PLCH2: variants seen among roughly 807,000 people sequenced by gnomAD.
The protein encoded by PLCH2 is 1-phosphatidylinositol 4,5-bisphosphate phosphodiesterase eta-2.
Under a neutral mutation model 134.7 loss-of-function variants are expected in PLCH2, and 98 were observed. The ratio of observed to expected loss-of-function variants is 0.73; its 90% CI spans 0.62 to 0.86. The LOEUF (loss-of-function observed/expected upper bound fraction) is 0.86, where lower values mean the gene tolerates loss of function less well. Ranked by LOEUF, PLCH2 falls within the 40% of genes least tolerant of loss-of-function variation. The pLI is 0.00. For synonymous variants in PLCH2, 974 were observed against 827.5 expected (o/e 1.18, Z -3.04); for missense variants, 1,994 against 1,986.6 (o/e 1.00, Z -0.07).
intron 2 of PLCH2, among the ~76,000 whole-genome samples, chr1:2,461,092 C>T (rs1640782692): frequency 6.6e-6 from 1 of 152,204 alleles, no homozygotes; most frequent in Non-Finnish European, 1.5e-5. Flanking sequence ...GGGTGTGTGT[C>T]CTGGGACGTG....
At position 2,503,977 on chromosome 1, in the gene PLCH2, C is replaced by A; in HGVS notation, c.3015C>A (p.Thr1005=). 1 of 1,515,254 alleles carries A rather than the reference C, an allele frequency of 6.6e-7. No individual in the cohort carries two copies. Among genetic ancestry groups the A allele is most frequent in the Non-Finnish European group, 8.9e-7 (1 of 1,117,330 alleles). The allele number at this position is 1,515,254 out of a possible 1,614,324, so 93.9% of individuals were successfully genotyped here. A position where few individuals can be genotyped will look rare whatever the true frequency, so the allele number is the denominator to read the frequency against. ...TCCCCCCACTGTGCAGCCTGGAAAC[C>A]ATCGCTGAGGAGCCCGCCCCAGGCC... ...RPLPPLCSLE[T]IAEEPAPGPG... is the part of the protein sequence containing the mutation. Residue 1005 remains threonine, a synonymous_variant, in exon 22 of 22, where the codon ACC becomes ACA. Transcript: ENST00000378486.
At position 2,491,202 on chromosome 1, in the gene PLCH2, A is replaced by G. The variant is rs1391981133; in HGVS notation, c.1526A>G (p.Asn509Ser). ...CTCTGGCTCCTGCAGGCATCCACCA[A>G]TCGAAAGCGTGTAGAAAACACTGCT... ...CKLLNGDAST[N>S]RKRVENTAKR... The change falls in exon 11 of 22, where the codon AAT becomes AGT. Residue 509 changes from asparagine (N) to serine (S), a missense_variant. Physicochemically the swap from Asn to Ser is conservative, Grantham distance 46. This residue lies in a region of PLCH2 where 1,094 missense variants were observed against 1,234.3 expected (regional missense o/e 0.89). Transcript: ENST00000378486. 2.0e-5 allele frequency: 33 copies of G among 1,612,236 alleles called. No individual in the cohort carries two copies. Among genetic ancestry groups the G allele is most frequent in the Non-Finnish European group, 2.7e-5 (32 of 1,179,508 alleles).
chr1:2,502,978 T>C (rs1643322202), intron 21 of PLCH2: 1 of 716,684 alleles, frequency 1.4e-6, no homozygotes, highest in Admixed American at 2.0e-5. Context: ...GGTCACCTGC[T>C]GCTGCTTCTG....
At chr1:2,487,100 G>T in intron 6 of PLCH2, 73 bp from the exon 7 acceptor site, 2 of 1,498,862 alleles carry the variant, frequency 1.3e-6, no homozygotes, top group Non-Finnish European at 1.8e-6. Flanking sequence ...GTTCTGTGTG[G>T]CATGGGGGCA....
chr1:2,420,258 C>T, the PLCH2 span, among the ~76,000 whole-genome samples: 1 of 152,150 alleles, frequency 6.6e-6, no homozygotes, highest in Non-Finnish European at 1.5e-5. Flanking sequence ...CCAGGCAGCA[C>T]CTACCTCTTG....
At chr1:2,428,687 C>T (rs1233499211) in intron 1 of PLCH2, among the ~76,000 whole-genome samples, 4 of 152,262 alleles carry the variant, frequency 2.6e-5, no homozygotes, top group Non-Finnish European at 2.9e-5. Context: ...CTCCCACTGC[C>T]GCAGGAACTG....
upstream of PLCH2, among the ~76,000 whole-genome samples, chr1:2,475,069 G>A (rs1039309837): frequency 1.3e-5 from 2 of 152,174 alleles, no homozygotes; most frequent in African/African-American, 2.4e-5. Flanking sequence ...GGCCCCTGGT[G>A]GGGGCCTGGG....
intron 4 of PLCH2, among the ~76,000 whole-genome samples, chr1:2,484,112 C>T (rs571638816): frequency 9.2e-5 from 14 of 151,748 alleles, no homozygotes; most frequent in African/African-American, 3.4e-4. Context: ...TTGACTCCTG[C>T]GTGGGTGTTG....
intron 2 of PLCH2, among the ~76,000 whole-genome samples, chr1:2,453,212 G>A (rs955374567): frequency 2.0e-5 from 3 of 152,100 alleles, no homozygotes; most frequent in Non-Finnish European, 4.4e-5. Flanking sequence ...TCTGCCCCCC[G>A]ACAGCGCCAG....
chr1:2,480,099 C>G, intron 3 of PLCH2, 84 bp from the exon 4 acceptor site: 2 of 1,588,156 alleles, frequency 1.3e-6, no homozygotes, highest in Non-Finnish European at 1.7e-6. Context: ...GCTGGGGTCC[C>G]CTATTCCTTC....
At chr1:2,480,375 T>C (rs1641898766) in intron 4 of PLCH2, 63 bp downstream of exon 4, 4 of 1,560,416 alleles carry the variant, frequency 2.6e-6, no homozygotes. Context: ...TGTGCTTGTG[T>C]GGCTGGGAGC....
At chr1:2,495,357 C>T (rs1260277656) in intron 12 of PLCH2, 131 bp from the exon 13 acceptor site, 24 of 706,946 alleles carry the variant, frequency 3.4e-5, no homozygotes, top group East Asian at 1.7e-4. Flanking sequence ...CCCAGCCAGG[C>T]GGGATGGACA....
intron 8 of PLCH2, among the ~76,000 whole-genome samples, chr1:2,488,994 T>G (rs973736457): frequency 3.9e-5 from 6 of 152,220 alleles, no homozygotes; most frequent in African/African-American, 1.4e-4. Flanking sequence ...CCTAAGATTC[T>G]CCCAGCTCCT....
chr1:2,445,781 C>T (rs924340018), intron 2 of PLCH2, among the ~76,000 whole-genome samples: 5 of 152,312 alleles, frequency 3.3e-5, no homozygotes, highest in East Asian at 1.9e-4. Context: ...ACGGCACACA[C>T]GGATTGCCGT....
At chr1:2,483,752 T>TTGACCCCCGTGTGGGGGGGCGC (rs1558004524) in intron 4 of PLCH2, among the ~76,000 whole-genome samples, 16 of 114,936 alleles carry the variant, frequency 1.4e-4, no homozygotes, top group African/African-American at 4.7e-4. Flanking sequence ...GAGTGTGTTG[T>TTGACCCCCGTGTGGGGGGGCGC]TGACCCCCGT....
the PLCH2 span, among the ~76,000 whole-genome samples, chr1:2,419,590 G>A: frequency 6.6e-6 from 1 of 152,060 alleles, no homozygotes; most frequent in Non-Finnish European, 1.5e-5. Context: ...GAGCAGGCAG[G>A]GGCCCGGGGC....
chr1:2,427,401 C>T (rs1034740181), intron 1 of PLCH2, among the ~76,000 whole-genome samples: 15 of 152,150 alleles, frequency 9.9e-5, no homozygotes, highest in African/African-American at 2.7e-4. Context: ...GTGGTTTCTC[C>T]GGGATAGGGT....
rs1639566156 is a variant in PLCH2, at chr1:2,439,012, C to G, written c.115+8383C>G. 6.6e-6 allele frequency among the ~76,000 whole-genome samples: 1 copy of G among 152,238 alleles called. No homozygotes were observed. ...CATGGGTGGCTCCAGGTAGAAGTGG[C>G]TTTGACTACGCCCTCCCAGCCCTGA... On this transcript the variant is annotated intron_variant, in intron 2 of 3. Transcript: ENST00000609981. This position sits in a 1 kb window ranked among gnomAD's most constrained non-coding sequence, Gnocchi z 4.7.
chr1:2,428,647 C>T (rs911049381), intron 1 of PLCH2, among the ~76,000 whole-genome samples: 14 of 152,388 alleles, frequency 9.2e-5, no homozygotes, highest in East Asian at 3.9e-4. Context: ...GCCCTTGCGC[C>T]GGCAGACGTG....
Sources: allele counts gnomAD v4.1 joint callset (sites outside exome capture counted in the v4.1 genomes callset), GRCh38; gene constraint gnomAD v4.1.1; regional missense constraint gnomAD v4.1.1; non-coding constraint Gnocchi (gnomAD v3.1); transcripts MANE v1.5; gene names NCBI Gene and HGNC (gene_info 2026-07-23, HGNC 2026-07-21).